N4BP2L2: variants seen among roughly 807,000 people sequenced by gnomAD.
The protein encoded by N4BP2L2 is NEDD4 binding protein 2 like 2, also known as NEDD4-binding protein 2-like 2.
In N4BP2L2, 50 loss-of-function variants were observed where a neutral mutation model predicts 56.2. That is an observed-to-expected ratio of 0.89 (90% CI 0.71 to 1.13). The LOEUF (loss-of-function observed/expected upper bound fraction) is 1.13, where lower values mean the gene tolerates loss of function less well. N4BP2L2 is among the 50% of genes most tolerant of loss of function. N4BP2L2 has a pLI of 0.00. For missense variants in N4BP2L2, 689 were observed against 693.8 expected, an observed-to-expected ratio of 0.99 and a Z score of 0.08; for synonymous variants, 203 against 223.6, an observed-to-expected ratio of 0.91 and a Z score of 0.82.
chr13:32,523,807 G>A (rs1169815084), intron 3 of N4BP2L2: 1 of 152,166 alleles, frequency 6.6e-6, no homozygotes, highest in Non-Finnish European at 1.5e-5. Context: ...TGGAGACTCA[G>A]GGGGAAAGGG....
Position 32,460,579 on chromosome 13 carries a change from T to C in N4BP2L2, c.366-16453A>G, listed in dbSNP as rs1346239735. On this transcript the variant is annotated intron_variant, in intron 6 of 9. Coordinates refer to the N4BP2L2 transcript ENST00000357505. The stretch of plus-strand genomic sequence containing the variant: ...TACCTACACACACAAAAATGGAAGA[T>C]AACACATACACACAAAATGGAAAGG... Among the ~76,000 whole-genome samples the C allele has an allele frequency of 2.0e-5, 3 of 151,992 alleles. No homozygotes were observed. The East Asian group carries it at 5.8e-4, about 29-fold the overall frequency.
chr13:32,503,131 C>T (rs1326561945), intron 6 of N4BP2L2, among the ~76,000 whole-genome samples: 4 of 134,476 alleles, frequency 3.0e-5, no homozygotes, highest in African/African-American at 8.6e-5. Context: ...TGAGATCATG[C>T]CACTGCAGTA....
At chr13:32,510,078 AAAG>A (rs2091532091), downstream of N4BP2L2, among the ~76,000 whole-genome samples, 1 of 152,082 alleles carries the variant, frequency 6.6e-6, no homozygotes, top group Admixed American at 6.5e-5. Flanking sequence ...AAATTCCATA[AAAG>A]AATAAAAAGT....
chr13:32,491,652 G>C (rs1003126492), intron 6 of N4BP2L2, among the ~76,000 whole-genome samples: 7 of 133,872 alleles, frequency 5.2e-5, no homozygotes, highest in Admixed American at 1.6e-4. Flanking sequence ...TTTTTTTTGA[G>C]ACGGAGTCTA....
At chr13:32,475,250 G>T (rs1289771083) in intron 6 of N4BP2L2, among the ~76,000 whole-genome samples, 1 of 152,188 alleles carries the variant, frequency 6.6e-6, no homozygotes, top group Non-Finnish European at 1.5e-5. Flanking sequence ...CAGCTCCGTT[G>T]TCTGGGCTAT....
intron 6 of N4BP2L2, among the ~76,000 whole-genome samples, chr13:32,448,211 A>G (rs531268852): frequency 6.1e-4 from 93 of 152,248 alleles, no homozygotes; most frequent in African/African-American, 2.0e-3. Context: ...CTTGGTAGTG[A>G]TGGTGGTGGT....
At chr13:32,486,606 G>A (rs574024409) in intron 6 of N4BP2L2, among the ~76,000 whole-genome samples, 2 of 152,028 alleles carry the variant, frequency 1.3e-5, no homozygotes, top group Admixed American at 1.3e-4. Flanking sequence ...AACCCGGGAG[G>A]CAAAAGTTGC....
intron 2 of N4BP2L2, 63 bp downstream of exon 2, chr13:32,535,706 A>C (rs1445975351): frequency 1.4e-5 from 21 of 1,527,904 alleles, no homozygotes; most frequent in Non-Finnish European, 1.9e-5. Context: ...AGCCGGCGAC[A>C]AATATCATTT....
exon 6 of N4BP2L2, chr13:32,511,140 A>C (rs1393117780): frequency 6.6e-6 from 1 of 152,200 alleles, no homozygotes; most frequent in Non-Finnish European, 1.5e-5. Context: ...GCCATTGTAG[A>C]ATTGTGAAAA....
At chr13:32,479,608 T>C (rs1338518974) in intron 6 of N4BP2L2, among the ~76,000 whole-genome samples, 1 of 148,958 alleles carries the variant, frequency 6.7e-6, no homozygotes, top group African/African-American at 2.5e-5. Context: ...TGAAATTTTG[T>C]TTTTTCTTCA....
At position 32,536,975 on chromosome 13, in the gene N4BP2L2, G is replaced by A. The variant is rs201054521; in HGVS notation, c.53C>T (p.Thr18Met). 29 of 1,608,212 alleles carry A rather than the reference G, an allele frequency of 1.8e-5. No homozygotes were observed. In the East Asian group the frequency reaches 5.6e-4, roughly 31 times the overall value. The stretch of plus-strand genomic sequence containing the variant: ...CAATTTTTTACAGCGTGGCTCACTC[G>A]TTACTTCTTCTCTAGGTCCCAAGAA... Residue 18 changes from threonine to methionine, a missense_variant, in exon 2 of 6, where the codon ACG becomes ATG. Physicochemically the swap from Thr to Met is moderately conservative, Grantham distance 81. Coordinates refer to ENST00000267068, the Ensembl canonical transcript of N4BP2L2.
At chr13:32,441,362 C>A (rs189107659) in intron 7 of N4BP2L2, among the ~76,000 whole-genome samples, 1 of 152,164 alleles carries the variant, frequency 6.6e-6, no homozygotes, top group Non-Finnish European at 1.5e-5. Context: ...GAAAGAGCCA[C>A]GTGTCAAACA....
At chr13:32,450,507 G>C (rs895874273) in intron 6 of N4BP2L2, among the ~76,000 whole-genome samples, 28 of 151,904 alleles carry the variant, frequency 1.8e-4, no homozygotes, top group Non-Finnish European at 3.5e-4. Flanking sequence ...TGTATTTTTA[G>C]TAGAGACGGG....
chr13:32,536,023 A>G (rs1403636955), exon 2 of N4BP2L2: 11 of 1,613,866 alleles, frequency 6.8e-6, no homozygotes, highest in Non-Finnish European at 9.3e-6. Flanking sequence ...CAGTATATTC[A>G]TTGTTCTGAT....
At chr13:32,464,355 T>C (rs2080833682) in intron 6 of N4BP2L2, among the ~76,000 whole-genome samples, 1 of 152,212 alleles carries the variant, frequency 6.6e-6, no homozygotes, top group Non-Finnish European at 1.5e-5. Context: ...ATAGAAATTA[T>C]TGGTAGGACA....
chr13:32,475,487 T>G (rs564541936), intron 6 of N4BP2L2, among the ~76,000 whole-genome samples: 1 of 152,310 alleles, frequency 6.6e-6, no homozygotes, highest in South Asian at 2.1e-4. Context: ...CTGATTTACA[T>G]AGGGCTCATA....
intron 7 of N4BP2L2, chr13:32,438,789 G>T (rs1263689170): frequency 2.2e-6 from 3 of 1,377,366 alleles, no homozygotes; most frequent in African/African-American, 2.9e-5. Context: ...ACAGATTTTT[G>T]CCCTAACTGT....
chr13:32,480,634 A>G (rs2084451043), intron 6 of N4BP2L2: 2 of 1,287,330 alleles, frequency 1.6e-6, no homozygotes, highest in Non-Finnish European at 2.0e-6. Flanking sequence ...TTCTTCAGTC[A>G]CACCTGAAAA....
At chr13:32,461,102 T>G (rs1289173251) in intron 6 of N4BP2L2, among the ~76,000 whole-genome samples, 2 of 151,992 alleles carry the variant, frequency 1.3e-5, no homozygotes, top group Non-Finnish European at 2.9e-5. Flanking sequence ...AAGTCAAATC[T>G]CACCATATAC....
Sources: allele counts gnomAD v4.1 joint callset (sites outside exome capture counted in the v4.1 genomes callset), GRCh38; gene constraint gnomAD v4.1.1; transcripts MANE v1.5; gene names NCBI Gene and HGNC (gene_info 2026-07-23, HGNC 2026-07-21).